The following SCAF8 variants were observed in gnomAD, a reference collection of about 807,000 sequenced individuals.
SCAF8 encodes SR-related CTD associated factor 8.
A neutral mutation model predicts 140.5 loss-of-function variants in SCAF8; 23 were observed. That is an observed-to-expected ratio of 0.16 (90% CI 0.12 to 0.23). The LOEUF (loss-of-function observed/expected upper bound fraction) is 0.23. Ranked by LOEUF, SCAF8 falls within the 10% of genes least tolerant of loss-of-function variation. The pLI, the probability that SCAF8 is intolerant of heterozygous loss-of-function variation, is 1.00. For synonymous variants in SCAF8, 575 were observed against 528.9 expected, an observed-to-expected ratio of 1.09 and a Z score of -1.20; for missense variants, 1,397 against 1,555.7, an observed-to-expected ratio of 0.90 and a Z score of 1.72.
intron 1 of SCAF8, among the ~76,000 whole-genome samples, chr6:154,743,761 T>C (rs1778628945): frequency 6.6e-6 from 1 of 152,156 alleles, no homozygotes; most frequent in African/African-American, 2.4e-5. Context: ...TAAGAAAAAA[T>C]AGACATAAGT....
At chr6:154,785,286 A>G (rs149824022) in intron 3 of SCAF8, among the ~76,000 whole-genome samples, 3 of 152,268 alleles carry the variant, frequency 2.0e-5, no homozygotes, top group East Asian at 3.9e-4. Flanking sequence ...TCTGAACAGT[A>G]TTGCTGTGAA....
At chr6:154,779,779 G>A (rs1433018041) in intron 3 of SCAF8, among the ~76,000 whole-genome samples, 67 of 97,654 alleles carry the variant, frequency 6.9e-4, no homozygotes, top group African/African-American at 3.2e-3. Flanking sequence ...GTGTGTGTGT[G>A]TGTATATATA....
intron 6 of SCAF8, among the ~76,000 whole-genome samples, chr6:154,799,733 G>T (rs184967262): frequency 6.6e-6 from 1 of 151,156 alleles, no homozygotes; most frequent in Admixed American, 6.6e-5. Context: ...TTCATCTCTT[G>T]TCTTTGTTTA....
chr6:154,809,299 A>T (rs1489060744), intron 11 of SCAF8, among the ~76,000 whole-genome samples: 1 of 152,142 alleles, frequency 6.6e-6, no homozygotes, highest in Non-Finnish European at 1.5e-5. Flanking sequence ...TTGCGTATGA[A>T]TGCCCCTGAA....
At chr6:154,758,596 C>T (rs930718587) in intron 1 of SCAF8, among the ~76,000 whole-genome samples, 5 of 152,100 alleles carry the variant, frequency 3.3e-5, no homozygotes, top group African/African-American at 4.8e-5. Flanking sequence ...CATTCATTCT[C>T]CAGATGCCAG....
Position 154,799,877 on chromosome 6 carries a change from C to T in SCAF8, c.607-2094C>T, listed in dbSNP as rs568403308. 1.6e-3 allele frequency among the ~76,000 whole-genome samples: 236 copies of T among 151,178 alleles called. 9 individuals are homozygous for T. Among genetic ancestry groups the T allele is most frequent in the Non-Finnish European group, 2.7e-3 (180 of 67,624 alleles). ...TCGGCTCATTGCAACCTTGGCCTCC[C>T]GGGTTCAAGCAATTCTCTTGCCTCA... On this transcript the variant is annotated intron_variant, in intron 6 of 19. Transcript: ENST00000367178.
intron 3 of SCAF8, among the ~76,000 whole-genome samples, chr6:154,780,098 A>G (rs1777042658): frequency 6.6e-6 from 1 of 152,144 alleles, no homozygotes; most frequent in Non-Finnish European, 1.5e-5. Context: ...AAGGTACAGA[A>G]CAGTTCCTTC....
intron 2 of SCAF8, among the ~76,000 whole-genome samples, chr6:154,775,543 A>G (rs1208261719): frequency 6.6e-6 from 1 of 152,212 alleles, no homozygotes; most frequent in Non-Finnish European, 1.5e-5. Flanking sequence ...CGGGTCTGAG[A>G]GAAATTAAGT....
At chr6:154,789,964 A>G (rs541151541) in intron 4 of SCAF8, among the ~76,000 whole-genome samples, 2 of 152,228 alleles carry the variant, frequency 1.3e-5, no homozygotes, top group South Asian at 4.1e-4. Context: ...AAGTCACTTT[A>G]CTGTGATTTA....
chr6:154,801,913 C>A, intron 6 of SCAF8, 58 bp from the exon 7 acceptor site: 1 of 1,218,584 alleles, frequency 8.2e-7, no homozygotes, highest in East Asian at 2.5e-5. Context: ...TTTTAGGTGG[C>A]CACTCTTACA....
Position 154,801,976 on chromosome 6 carries a change from A to G in SCAF8, c.612A>G (p.Gln204=), listed in dbSNP as rs201924864. The G allele has an allele frequency of 1.9e-4, 292 of 1,573,252 alleles. No homozygotes were observed. The highest frequency in any genetic ancestry group is 2.3e-4 in the Non-Finnish European group (269 of 1,164,236). Residue 204 remains glutamine (Q), a synonymous_variant, in exon 7 of 20, where the codon CAA becomes CAG. Transcript: ENST00000367178. ...ILQSPQGQQL[Q]QLIQTLQIQQ... ...ATATATTTTTTTCTCTCCAGCTTCA[A>G]CAATTAATACAAACCTTACAGATAC...
At chr6:154,777,877 A>T in intron 2 of SCAF8, 124 bp from the exon 3 acceptor site, 1 of 650,730 alleles carries the variant, frequency 1.5e-6, no homozygotes, top group Non-Finnish European at 2.7e-6. Flanking sequence ...TGTTTGTCTC[A>T]AAATTCTTGG....
chr6:154,763,642 T>G (rs533076264), intron 1 of SCAF8, among the ~76,000 whole-genome samples: 1 of 152,242 alleles, frequency 6.6e-6, no homozygotes, highest in Admixed American at 6.5e-5. Context: ...GGTACAACAT[T>G]TTGTTAAATT....
chr6:154,735,931 G>A (rs1300806307), intron 1 of SCAF8, among the ~76,000 whole-genome samples: 3 of 151,148 alleles, frequency 2.0e-5, no homozygotes, highest in Non-Finnish European at 2.9e-5. Context: ...GGCCCAAGGG[G>A]TCCTCCTCTC....
At chr6:154,807,871 T>A (rs1358544055) in intron 9 of SCAF8, among the ~76,000 whole-genome samples, 199 bp from the exon 10 acceptor site, 3 of 152,242 alleles carry the variant, frequency 2.0e-5, no homozygotes, top group Non-Finnish European at 2.9e-5. Flanking sequence ...ATGGAGCTGT[T>A]CTCTGCTTTT....
intron 1 of SCAF8, chr6:154,741,988 C>T: frequency 6.5e-7 from 1 of 1,533,894 alleles, no homozygotes; most frequent in Non-Finnish European, 8.7e-7. Context: ...GTACAGACTG[C>T]TTTTCCAGCA....
intron 1 of SCAF8, among the ~76,000 whole-genome samples, chr6:154,735,520 T>TTC (rs66833656): frequency 1.1e-4 from 3 of 27,774 alleles, no homozygotes; most frequent in Admixed American, 8.5e-4. Flanking sequence ...GGGAATCTTC[T>TTC]TTTTTTTTTT....
At chr6:154,815,307 A>G (rs746653191) in intron 12 of SCAF8, among the ~76,000 whole-genome samples, 1 of 152,238 alleles carries the variant, frequency 6.6e-6, no homozygotes. Flanking sequence ...AAAAAAATAA[A>G]TAAATAAATA....
rs750021308 is a variant in SCAF8 at position 154,733,856 on chromosome 6, C to T, written c.-45C>T. 147 of 1,541,248 alleles carry T rather than the reference C, an allele frequency of 9.5e-5. No individual in the cohort carries two copies. The highest frequency in any genetic ancestry group is 1.2e-4 in the Non-Finnish European group (136 of 1,150,154). The stretch of plus-strand genomic sequence containing the variant: ...CGCTCTCCCCACCCAGTGCAGTGGC[C>T]GCCGCCTCTTCCGCCGCCGGGCTCG... On this transcript the variant is annotated 5_prime_UTR_variant, in exon 1 of 20. Coordinates refer to ENST00000367178, the MANE Select transcript of SCAF8 (RefSeq NM_014892.5).
Sources: allele counts gnomAD v4.1 joint callset (sites outside exome capture counted in the v4.1 genomes callset), GRCh38; gene constraint gnomAD v4.1.1; transcripts MANE v1.5; gene names NCBI Gene and HGNC (gene_info 2026-07-23, HGNC 2026-07-21).